Variants in RAD51B observed in about 807,000 individuals in gnomAD.
The protein encoded by RAD51B is DNA repair protein RAD51 homolog 2.
A neutral mutation model predicts 42.2 loss-of-function variants in RAD51B; 38 were observed. That is an observed-to-expected ratio of 0.90 (90% CI 0.70 to 1.18). The LOEUF (loss-of-function observed/expected upper bound fraction) is 1.18. RAD51B is among the 50% of genes most tolerant of loss of function. The pLI, the probability that RAD51B is intolerant of heterozygous loss-of-function variation, is 0.00. For missense variants in RAD51B, 373 were observed against 400.7 expected, an observed-to-expected ratio of 0.93 and a Z score of 0.59; for synonymous variants, 154 against 145.2, an observed-to-expected ratio of 1.06 and a Z score of -0.43.
chr14:68,613,655 C>T (rs557274267), downstream of RAD51B, among the ~76,000 whole-genome samples: 57 of 151,936 alleles, frequency 3.8e-4, no homozygotes, highest in South Asian at 8.3e-4. Flanking sequence ...GGGGTTTCAC[C>T]GTGTTAGCCA....
chr14:68,655,086 C>T (rs1041005670), intron 11 of RAD51B, among the ~76,000 whole-genome samples: 2 of 152,022 alleles, frequency 1.3e-5, no homozygotes, highest in Admixed American at 6.6e-5. Flanking sequence ...CACACCTACA[C>T]TGGGTGGGCT....
chr14:68,452,927 A>T (rs1383495632), intron 9 of RAD51B, among the ~76,000 whole-genome samples: 1 of 152,198 alleles, frequency 6.6e-6, no homozygotes, highest in Non-Finnish European at 1.5e-5. Flanking sequence ...TGTAATAATG[A>T]TGATTGTACT....
intron 7 of RAD51B, among the ~76,000 whole-genome samples, chr14:68,266,000 G>C (rs946260760): frequency 1.3e-5 from 2 of 152,150 alleles, no homozygotes; most frequent in South Asian, 4.1e-4. Flanking sequence ...GCATGCACTG[G>C]GTTTATAGAT....
At chr14:67,970,842 G>A (rs10132828) in intron 7 of RAD51B, among the ~76,000 whole-genome samples, 3 of 151,874 alleles carry the variant, frequency 2.0e-5, no homozygotes, top group Non-Finnish European at 4.4e-5. Context: ...AGAGTTTAAA[G>A]AAATTTACTG....
intron 7 of RAD51B, among the ~76,000 whole-genome samples, chr14:67,909,676 G>A (rs530198911): frequency 6.7e-6 from 1 of 149,088 alleles, no homozygotes; most frequent in African/African-American, 2.6e-5. Context: ...ATACTTTTTT[G>A]TTGTTGTTTT....
intron 7 of RAD51B, among the ~76,000 whole-genome samples, chr14:67,996,622 G>A (rs945203471): frequency 6.6e-6 from 1 of 152,134 alleles, no homozygotes; most frequent in African/African-American, 2.4e-5. Flanking sequence ...GATCTGAAGT[G>A]GAGAGAGCAG....
chr14:67,954,349 A>G (rs1172194875), intron 7 of RAD51B, among the ~76,000 whole-genome samples: 1 of 152,084 alleles, frequency 6.6e-6, no homozygotes, highest in African/African-American at 2.4e-5. Context: ...ATTTTCCTGT[A>G]TCTTATTAGT....
At chr14:68,462,795 T>C (rs541553278) in intron 9 of RAD51B, among the ~76,000 whole-genome samples, 1 of 152,326 alleles carries the variant, frequency 6.6e-6, no homozygotes, top group African/African-American at 2.4e-5. Context: ...GAAGGAAATA[T>C]TCAAGAAGAA....
intron 10 of RAD51B, among the ~76,000 whole-genome samples, chr14:68,583,701 C>G (rs971412983): frequency 2.0e-5 from 3 of 152,156 alleles, no homozygotes; most frequent in Admixed American, 6.5e-5. Context: ...CCGCAGTGCC[C>G]TCAAGCCACC....
intron 10 of RAD51B, among the ~76,000 whole-genome samples, chr14:68,510,728 C>A (rs1045504817): frequency 6.6e-6 from 1 of 152,156 alleles, no homozygotes; most frequent in Non-Finnish European, 1.5e-5. Context: ...AGGCTTTTGC[C>A]ATGGGTTTTA....
rs375335452 is a variant in RAD51B at position 68,076,335 on chromosome 14, A to G, written c.756+189131A>G. 3.3e-5 allele frequency among the ~76,000 whole-genome samples: 5 copies of G among 152,336 alleles called. No individual in the cohort carries two copies. In the East Asian group the frequency reaches 9.6e-4, roughly 29 times the overall value. Reference sequence around the variant, plus strand: ...CAGTAACCATGTGCAGAAATCAATTATCTTAATATATACCTTATCAAGTTA... The same window carrying G: ...CAGTAACCATGTGCAGAAATCAATTGTCTTAATATATACCTTATCAAGTTA... On this transcript the variant is annotated intron_variant, in intron 7 of 10. Coordinates refer to ENST00000471583, the MANE Select transcript of RAD51B (RefSeq NM_133510.4).
intron 4 of RAD51B, among the ~76,000 whole-genome samples, chr14:67,852,947 T>C (rs559053534): frequency 2.0e-5 from 3 of 152,308 alleles, no homozygotes; most frequent in East Asian, 1.9e-4. Flanking sequence ...TATAGTTGAC[T>C]TTAAGATGGG....
intron 8 of RAD51B, among the ~76,000 whole-genome samples, chr14:68,402,295 G>C (rs2084128194): frequency 6.6e-6 from 1 of 152,098 alleles, no homozygotes; most frequent in South Asian, 2.1e-4. Context: ...ATTCTGCATT[G>C]AATGGAACAA....
chr14:68,363,757 G>C (rs990910265), intron 8 of RAD51B, among the ~76,000 whole-genome samples: 10 of 152,112 alleles, frequency 6.6e-5, no homozygotes, highest in African/African-American at 2.4e-4. Flanking sequence ...GTGTGCACAC[G>C]CGTGTGTGGG....
intron 8 of RAD51B, among the ~76,000 whole-genome samples, chr14:68,328,276 G>A (rs2139790181): frequency 6.6e-6 from 1 of 152,286 alleles, no homozygotes; most frequent in Non-Finnish European, 1.5e-5. Flanking sequence ...AAATTACACA[G>A]AAAGTACTGT....
At chr14:67,927,393 G>C (rs1024168511) in intron 7 of RAD51B, among the ~76,000 whole-genome samples, 1 of 152,130 alleles carries the variant, frequency 6.6e-6, no homozygotes, top group Non-Finnish European at 1.5e-5. Flanking sequence ...TTGTTACTAA[G>C]TGTAGTCACT....
At chr14:68,575,374 G>A (rs61985817) in intron 10 of RAD51B, among the ~76,000 whole-genome samples, 15,045 of 152,104 alleles carry the variant, frequency 0.099, 971 homozygotes, top group East Asian at 0.14. Flanking sequence ...CCTGCTCCCT[G>A]CTCCCCCTGC....
At chr14:68,676,382 G>A (rs1893302930) in intron 11 of RAD51B, among the ~76,000 whole-genome samples, 1 of 152,206 alleles carries the variant, frequency 6.6e-6, no homozygotes, top group Admixed American at 6.5e-5. Context: ...AAGGCAAGTG[G>A]CTGCATTTGG....
At chr14:67,951,596 A>C (rs943109881) in intron 7 of RAD51B, among the ~76,000 whole-genome samples, 1 of 152,210 alleles carries the variant, frequency 6.6e-6, no homozygotes, top group African/African-American at 2.4e-5. Flanking sequence ...TGATCCCAAG[A>C]GTCACAAGAG....
Sources: allele counts gnomAD v4.1 joint callset (sites outside exome capture counted in the v4.1 genomes callset), GRCh38; gene constraint gnomAD v4.1.1; transcripts MANE v1.5; gene names NCBI Gene and HGNC (gene_info 2026-07-23, HGNC 2026-07-21).